Variants in IFT122 observed in about 807,000 individuals in gnomAD.
IFT122 encodes intraflagellar transport protein 122 homolog.
IFT122 carries 118 observed loss-of-function variants against 161.6 expected under a neutral mutation model. That is an observed-to-expected ratio of 0.73 (90% confidence interval 0.63 to 0.85). The LOEUF (loss-of-function observed/expected upper bound fraction) is 0.85, where lower values mean the gene tolerates loss of function less well. Among genes scored for constraint, IFT122 ranks in the 40% least tolerant of loss-of-function variants. IFT122 has a pLI of 0.00. For synonymous variants in IFT122, 550 were observed against 602.4 expected (o/e 0.91, Z 1.27); for missense variants, 1,381 against 1,579.6 (o/e 0.87, Z 2.13).
chr3:129,486,373 A>G (rs1186795530), intron 15 of IFT122, among the ~76,000 whole-genome samples: 1 of 152,242 alleles, frequency 6.6e-6, no homozygotes, highest in Non-Finnish European at 1.5e-5. Flanking sequence ...AATGGGGTTA[A>G]TTATACCCAT....
At position 129,479,767 on chromosome 3, in the gene IFT122, G is replaced by C; in HGVS notation, c.1351-18G>C. Reference sequence around the variant, plus strand: ...TTATTCTGTTGAATTTCCATGCAGAGCTGGGTTTGCTTCCTAGGAGAAACG... The same window carrying C: ...TTATTCTGTTGAATTTCCATGCAGACCTGGGTTTGCTTCCTAGGAGAAACG... On this transcript the variant is annotated intron_variant, in intron 12 of 29. Coordinates refer to ENST00000348417, the MANE Select transcript of IFT122 (RefSeq NM_052989.3). 6.2e-7 allele frequency: 1 copy of C among 1,613,866 alleles called. No individual in the cohort carries two copies. The highest frequency in any genetic ancestry group is 8.5e-7 in the Non-Finnish European group (1 of 1,180,032).
At chr3:129,462,210 G>C (rs2076278817) in intron 5 of IFT122, among the ~76,000 whole-genome samples, 1 of 152,096 alleles carries the variant, frequency 6.6e-6, no homozygotes, top group Non-Finnish European at 1.5e-5. Context: ...GTGAAGCACT[G>C]GTCTGTGTGC....
chr3:129,456,261 A>C, intron 3 of IFT122: 1 of 1,272,066 alleles, frequency 7.9e-7, no homozygotes, highest in Non-Finnish European at 1.0e-6. Context: ...GAGTGATGGA[A>C]ATAGTAAGAG....
intron 24 of IFT122, chr3:129,513,894 C>T (rs1041588446): frequency 2.0e-4 from 52 of 263,928 alleles, no homozygotes; most frequent in Non-Finnish European, 6.3e-5. Flanking sequence ...CACAGGCTGC[C>T]GCTCAGAAAC....
intron 26 of IFT122, among the ~76,000 whole-genome samples, chr3:129,516,950 CAG>C (rs2083900645): frequency 6.9e-6 from 1 of 144,840 alleles, no homozygotes; most frequent in Non-Finnish European, 1.5e-5. Context: ...TGCACACACA[CAG>C]AGACTGCCCC....
At chr3:129,456,481 A>G (rs2075507295) in intron 3 of IFT122, among the ~76,000 whole-genome samples, 1 of 150,454 alleles carries the variant, frequency 6.6e-6, no homozygotes, top group South Asian at 2.1e-4. Flanking sequence ...TACTAAATAT[A>G]TAAAAATTAG....
intron 6 of IFT122, 61 bp downstream of exon 6, chr3:129,463,687 T>G: frequency 7.4e-7 from 1 of 1,356,128 alleles, no homozygotes; most frequent in East Asian, 2.3e-5. Flanking sequence ...ACTCTCAAAA[T>G]CCAATTATTT....
intron 3 of IFT122, among the ~76,000 whole-genome samples, chr3:129,457,671 A>G (rs559437280): frequency 1.8e-4 from 28 of 151,416 alleles, no homozygotes; most frequent in South Asian, 4.2e-4. Context: ...TTTGAGATCT[A>G]TTGCACAGCA....
intron 23 of IFT122, among the ~76,000 whole-genome samples, chr3:129,511,497 T>C (rs942680501): frequency 6.6e-6 from 1 of 152,218 alleles, no homozygotes; most frequent in African/African-American, 2.4e-5. Flanking sequence ...GAGGAGTTAC[T>C]GGCCTGCTGT....
chr3:129,519,820 G>A, intron 29 of IFT122, 88 bp downstream of exon 29: 1 of 1,472,868 alleles, frequency 6.8e-7, no homozygotes. Context: ...TGGCCCCTGG[G>A]AGGAGGGGCA....
At position 129,487,930 on chromosome 3, in the gene IFT122, A is replaced by AT. The variant is rs1389701895; in HGVS notation, c.1852-323dup. The stretch of plus-strand genomic sequence containing the variant: ...ACAGGGCCTTGAAAGCCAAATAGGT[A>AT]TTTTCCAGAGGCAGAGTGGGGAGGG... On this transcript the variant is annotated intron_variant, in intron 15 of 29. Coordinates refer to ENST00000348417, the MANE Select transcript of IFT122 (RefSeq NM_052989.3). 4.1e-5 allele frequency: 17 copies of AT among 411,732 alleles called. No homozygotes were observed. The East Asian group carries it at 8.2e-4, about 20-fold the overall frequency. 25.5% of individuals were successfully genotyped at this position (411,732 alleles called of 1,614,324 possible). A position where few individuals can be genotyped will look rare whatever the true frequency, so the allele number is the denominator to read the frequency against.
At chr3:129,445,669 C>T (rs1443921175) in intron 1 of IFT122, among the ~76,000 whole-genome samples, 1 of 152,188 alleles carries the variant, frequency 6.6e-6, no homozygotes, top group East Asian at 1.9e-4. Flanking sequence ...AGAGTCAGAC[C>T]TGAGTTGAAA....
rs770420689 is a variant in IFT122 at position 129,442,947 on chromosome 3, C to A, written c.41+2576C>A. Among the ~76,000 whole-genome samples the A allele has an allele frequency of 6.6e-5, 10 of 152,320 alleles. No individual in the cohort carries two copies. In the East Asian group the frequency reaches 9.6e-4, roughly 15 times the overall value. ...TATTCTATGAACTCCCTAGTTTTCT[C>A]CTTTAAATGCACAGCTCCAGGTTCA... On this transcript the variant is annotated intron_variant, in intron 1 of 29. Coordinates refer to ENST00000348417, the MANE Select transcript of IFT122 (RefSeq NM_052989.3).
At chr3:129,496,534 T>C (rs2080867018) in intron 18 of IFT122, among the ~76,000 whole-genome samples, 2 of 152,218 alleles carry the variant, frequency 1.3e-5, no homozygotes, top group South Asian at 4.1e-4. Context: ...AAGTTCAAGA[T>C]GGAAAATCTT....
chr3:129,514,590 C>T (rs909316418), intron 25 of IFT122, 36 bp downstream of exon 25: 1 of 1,612,956 alleles, frequency 6.2e-7, no homozygotes, highest in Non-Finnish European at 8.5e-7. Context: ...GTGGCTTCTC[C>T]TCTCCCTTGA....
At chr3:129,474,722 G>A (rs1378621618) in intron 9 of IFT122, among the ~76,000 whole-genome samples, 3 of 152,206 alleles carry the variant, frequency 2.0e-5, no homozygotes, top group African/African-American at 7.2e-5. Context: ...TGACCTTGGG[G>A]GCTGAGCTCG....
Position 129,452,001 on chromosome 3 carries a change from A to T in IFT122, c.193+3A>T. 6.2e-7 allele frequency: 1 copy of T among 1,609,018 alleles called. No individual in the cohort carries two copies. Among genetic ancestry groups the T allele is most frequent in the Non-Finnish European group, 8.5e-7 (1 of 1,175,380 alleles). On this transcript the variant is annotated splice_donor_region_variant and intron_variant, in intron 3 of 29. Transcript: ENST00000348417. ...CTGTGTGGCATATGCGAAGGATGGT[A>T]AAAGGCTGCTCTGGGTTTCCATTCT...
chr3:129,482,112 G>A (rs748781211), intron 14 of IFT122, among the ~76,000 whole-genome samples: 59 of 152,372 alleles, frequency 3.9e-4, no homozygotes, highest in African/African-American at 4.6e-4. Flanking sequence ...CACCTACAGC[G>A]TGGGAAGGAA....
At chr3:129,487,674 T>C (rs1174030858) in intron 15 of IFT122, 1 of 173,814 alleles carries the variant, frequency 5.8e-6, no homozygotes, top group Non-Finnish European at 1.3e-5. Context: ...CCAGACCGCT[T>C]CCTCCCACGA....
Sources: allele counts gnomAD v4.1 joint callset (sites outside exome capture counted in the v4.1 genomes callset), GRCh38; gene constraint gnomAD v4.1.1; transcripts MANE v1.5; gene names NCBI Gene and HGNC (gene_info 2026-07-23, HGNC 2026-07-21).